Variants in TMEM164 observed in about 807,000 individuals in gnomAD.
TMEM164 encodes transmembrane protein 164.
A neutral mutation model predicts 18.8 loss-of-function variants in TMEM164; 4 were observed. That is an observed-to-expected ratio of 0.21 (90% CI 0.10 to 0.49). TMEM164 has a LOEUF of 0.49. TMEM164 is among the 20% of genes least tolerant of loss of function. The pLI is 0.98. For synonymous variants in TMEM164, 86 were observed against 101.7 expected, an observed-to-expected ratio of 0.85 and a Z score of 0.93; for missense variants, 108 against 239.9, an observed-to-expected ratio of 0.45 and a Z score of 3.63.
At chrX:110,104,467 C>A (rs1202899821) in intron 3 of TMEM164, among the ~76,000 whole-genome samples, 5 of 111,789 alleles carry the variant, frequency 4.5e-5, no homozygotes, top group Non-Finnish European at 9.4e-5. Flanking sequence ...CCAGAGGACC[C>A]ATACAAAGTG....
chrX:110,056,460 G>A (rs756764990), intron 2 of TMEM164, among the ~76,000 whole-genome samples: 2 of 112,044 alleles, frequency 1.8e-5, no homozygotes, highest in Admixed American at 1.9e-4. Context: ...CTGCCTTTTG[G>A]CTATTACAGA....
Position 110,046,183 on chromosome X carries a change from A to G in TMEM164, c.391-21164A>G, listed in dbSNP as rs1935310855. Reference sequence around the variant, plus strand: ...ATACCTGATTATTTCTGTCAAGCTCAGTGCTGACGTTATGGGCTTTGAATC... The same window carrying G: ...ATACCTGATTATTTCTGTCAAGCTCGGTGCTGACGTTATGGGCTTTGAATC... On this transcript the variant is annotated intron_variant, in intron 2 of 6. Transcript: ENST00000372068. 4.0e-6 allele frequency: 3 copies of G among 753,241 alleles called. No individual in the cohort carries two copies. In the Admixed American group the frequency reaches 2.6e-4, roughly 66 times the overall value. 62.1% of individuals were successfully genotyped at this position (753,241 alleles called of 1,213,427 possible).
intron 3 of TMEM164, among the ~76,000 whole-genome samples, chrX:110,090,227 C>T (rs774387044): frequency 9.1e-6 from 1 of 110,250 alleles, no homozygotes; most frequent in African/African-American, 3.3e-5. Context: ...TTTGTGTCCG[C>T]AGGCAAAGCC....
chrX:110,023,102 T>A (rs987388846), intron 2 of TMEM164, among the ~76,000 whole-genome samples: 5 of 111,706 alleles, frequency 4.5e-5, no homozygotes, highest in East Asian at 5.6e-4. Flanking sequence ...GGCCTCCTTA[T>A]GGTTTGGGGG....
At chrX:110,169,188 A>G (rs1158126597) in intron 5 of TMEM164, among the ~76,000 whole-genome samples, 2 of 111,458 alleles carry the variant, frequency 1.8e-5, no homozygotes, top group East Asian at 2.8e-4. Flanking sequence ...ATACACCTCA[A>G]TTTCATGTCT....
rs957519549 is a variant in TMEM164 at position 110,090,734 on chromosome X, G to C, written c.441-18346G>C. On this transcript the variant is annotated intron_variant, in intron 3 of 6. Transcript: ENST00000372068. ...ATTTTTATTTTTTATTATACTTTAA[G>C]TTCTAGGGTACATGTGCACAACATG... Among the ~76,000 whole-genome samples the C allele has an allele frequency of 2.7e-5, 3 of 111,430 alleles. No individual in the cohort carries two copies. The East Asian group carries it at 8.4e-4, about 31-fold the overall frequency.
intron 3 of TMEM164, among the ~76,000 whole-genome samples, chrX:110,101,105 G>A (rs2066104087): frequency 9.2e-6 from 1 of 108,476 alleles, no homozygotes; most frequent in African/African-American, 3.4e-5. Flanking sequence ...TCTAGTTTTG[G>A]TATCTGGGTA....
At chrX:110,022,822 G>A (rs974009448) in intron 2 of TMEM164, among the ~76,000 whole-genome samples, 35 of 112,373 alleles carry the variant, frequency 3.1e-4, no homozygotes, top group Non-Finnish European at 9.4e-5. Context: ...CAGGTGGCAA[G>A]TATGTACAGA....
chrX:110,161,705 C>A (rs973571671), intron 5 of TMEM164, among the ~76,000 whole-genome samples: 2 of 112,394 alleles, frequency 1.8e-5, no homozygotes, highest in Admixed American at 9.4e-5. Context: ...CTTGGTTCAT[C>A]TTCCAGCTCC....
At chrX:110,008,859 T>G (rs1471087884) in intron 2 of TMEM164, among the ~76,000 whole-genome samples, 1 of 111,921 alleles carries the variant, frequency 8.9e-6, no homozygotes, top group Non-Finnish European at 1.9e-5. Context: ...GCAAAGCTGG[T>G]CAAAGATGGC....
At chrX:110,117,442 A>G (rs2066386432) in intron 4 of TMEM164, among the ~76,000 whole-genome samples, 1 of 112,386 alleles carries the variant, frequency 8.9e-6, no homozygotes, top group Non-Finnish European at 1.9e-5. Context: ...AATATATTGT[A>G]TATTTCAAAG....
intron 3 of TMEM164, among the ~76,000 whole-genome samples, chrX:110,094,156 A>G (rs1351254566): frequency 1.8e-5 from 2 of 112,320 alleles, no homozygotes; most frequent in Non-Finnish European, 3.8e-5. Context: ...AGAAGAATGT[A>G]TATTCTGTTG....
chrX:110,170,078 G>A (rs562158629), intron 5 of TMEM164, among the ~76,000 whole-genome samples: 9 of 111,882 alleles, frequency 8.0e-5, no homozygotes, highest in South Asian at 3.7e-4. Flanking sequence ...TAACTGCCCC[G>A]TTACACTCTC....
At chrX:110,130,026 T>G (rs977621479) in intron 4 of TMEM164, among the ~76,000 whole-genome samples, 4 of 112,569 alleles carry the variant, frequency 3.6e-5, no homozygotes, top group African/African-American at 6.5e-5. Flanking sequence ...GTATCTTGTT[T>G]ATAATAGTTG....
intron 4 of TMEM164, among the ~76,000 whole-genome samples, chrX:110,143,079 G>T (rs2066793835): frequency 8.9e-6 from 1 of 112,239 alleles, no homozygotes; most frequent in African/African-American, 3.2e-5. Context: ...AAGTCCCTTA[G>T]GTGCATGAAG....
At position 110,052,199 on chromosome X, in the gene TMEM164, G is replaced by A. The variant is rs767209839; in HGVS notation, c.391-15148G>A. 3.6e-5 allele frequency among the ~76,000 whole-genome samples: 4 copies of A among 110,865 alleles called. No homozygotes were observed. The East Asian group carries it at 8.5e-4, about 24-fold the overall frequency. Reference sequence around the variant, plus strand: ...TCACACAAGGGCACAATCTCCTTCCGCTTCCCTCCAAGATTTTGCTTTCCT... The same window carrying A: ...TCACACAAGGGCACAATCTCCTTCCACTTCCCTCCAAGATTTTGCTTTCCT... On this transcript the variant is annotated intron_variant, in intron 2 of 6. Coordinates refer to ENST00000372068, the MANE Select transcript of TMEM164 (RefSeq NM_032227.4).
chrX:110,055,336 G>A, intron 2 of TMEM164: 1 of 383,436 alleles, frequency 2.6e-6, no homozygotes, highest in Non-Finnish European at 5.2e-6. Context: ...GCCACGAATG[G>A]CTATGCACTG....
At position 110,173,758 on chromosome X, in the gene TMEM164, G is replaced by A. The variant is rs2067260272; in HGVS notation, c.*307G>A. 1 of 284,469 alleles carries A rather than the reference G, an allele frequency of 3.5e-6. No homozygotes were observed. Among genetic ancestry groups the A allele is most frequent in the African/African-American group, 2.8e-5 (1 of 36,278 alleles). The allele number at this position is 284,469 out of a possible 1,213,427, so 23.4% of individuals were successfully genotyped here. On this transcript the variant is annotated 3_prime_UTR_variant, in exon 7 of 7. Coordinates refer to ENST00000372068, the MANE Select transcript of TMEM164 (RefSeq NM_032227.4). ...CGGCTCTTTCACTCTGCTTGTCGGTGCTTTAACAACAGCTGGTTGAGGAGA... is the reference window on the plus strand; with the variant it reads ...CGGCTCTTTCACTCTGCTTGTCGGTACTTTAACAACAGCTGGTTGAGGAGA...
At chrX:110,029,566 C>G (rs1934354520) in intron 2 of TMEM164, among the ~76,000 whole-genome samples, 1 of 112,224 alleles carries the variant, frequency 8.9e-6, no homozygotes, top group Non-Finnish European at 1.9e-5. Context: ...CTATAGAAGA[C>G]AGTGTTCACG....
Sources: gnomAD v4.1 joint callset for allele counts (sites outside exome capture counted in the v4.1 genomes callset) on GRCh38, gnomAD v4.1.1 for gene constraint, MANE v1.5 for transcripts, NCBI Gene and HGNC (gene_info 2026-07-23, HGNC 2026-07-21) for gene names.